SLC24A3: variants seen among roughly 807,000 people sequenced by gnomAD.
The protein encoded by SLC24A3 is sodium/potassium/calcium exchanger 3.
Under a neutral mutation model 75.8 loss-of-function variants are expected in SLC24A3, and 28 were observed. The observed-to-expected ratio is 0.37, with a 90% CI of 0.27 to 0.51. The LOEUF (loss-of-function observed/expected upper bound fraction) is 0.51, where lower values mean the gene tolerates loss of function less well. SLC24A3 is among the 20% of genes least tolerant of loss of function. The pLI is 0.94. For missense variants in SLC24A3, 663 were observed against 847.8 expected, an observed-to-expected ratio of 0.78 and a Z score of 2.71; for synonymous variants, 372 against 334.1, an observed-to-expected ratio of 1.11 and a Z score of -1.24.
rs945480328 is a variant in SLC24A3 at position 19,339,291 on chromosome 20, T to G, written c.271+58204T>G. On this transcript the variant is annotated intron_variant, in intron 2 of 16. Transcript: ENST00000328041. ...GGGCAGTTATTTTTTAGGTATCTAG[T>G]TTTTTTTTTCCCCTTGTGCAGCATC... 6.1e-4 allele frequency among the ~76,000 whole-genome samples: 91 copies of G among 149,564 alleles called. 1 individual carries two copies. Among genetic ancestry groups the G allele is most frequent in the African/African-American group, 2.0e-3 (81 of 40,628 alleles).
At chr20:19,269,014 G>C (rs1433614935) in intron 1 of SLC24A3, among the ~76,000 whole-genome samples, 1 of 152,220 alleles carries the variant, frequency 6.6e-6, no homozygotes, top group East Asian at 1.9e-4. Context: ...ACAGATTGGG[G>C]TTCTGCCTTG....
chr20:19,427,438 G>GC (rs1170040553), intron 2 of SLC24A3, among the ~76,000 whole-genome samples: 1 of 152,178 alleles, frequency 6.6e-6, no homozygotes. Context: ...AATATATTGA[G>GC]CATATTATGT....
Position 19,722,103 on chromosome 20 carries a change from GCT to G in SLC24A3, c.*966_*967del, listed in dbSNP as rs2033110455. 1 of 152,718 alleles carries G rather than the reference GCT, an allele frequency of 6.5e-6. No individual in the cohort carries two copies. Among genetic ancestry groups the G allele is most frequent in the Non-Finnish European group, 1.5e-5 (1 of 68,078 alleles). The allele number at this position is 152,718 out of a possible 1,614,324, so 9.5% of individuals were successfully genotyped here. Reference sequence around the variant, plus strand: ...CCCGACTTGTGAGTCCCTGAGATGTGCTCTTGTTGTTTGGCATTTGGGGTGAC... The same window carrying G: ...CCCGACTTGTGAGTCCCTGAGATGTGCTTGTTGTTTGGCATTTGGGGTGAC... On this transcript the variant is annotated 3_prime_UTR_variant, in exon 17 of 17. Transcript: ENST00000328041.
At chr20:19,255,612 T>A (rs896694728) in intron 1 of SLC24A3, among the ~76,000 whole-genome samples, 9 of 152,194 alleles carry the variant, frequency 5.9e-5, no homozygotes, top group African/African-American at 2.2e-4. Context: ...CAAGTCATTG[T>A]CCTTCCAATG....
chr20:19,392,225 A>C (rs1986379193), intron 2 of SLC24A3, among the ~76,000 whole-genome samples: 1 of 152,222 alleles, frequency 6.6e-6, no homozygotes, highest in Admixed American at 6.5e-5. Context: ...AACAACAGTT[A>C]CATCTGAAGG....
chr20:19,312,836 C>T (rs1353117386), intron 2 of SLC24A3, among the ~76,000 whole-genome samples: 1 of 152,058 alleles, frequency 6.6e-6, no homozygotes, highest in African/African-American at 2.4e-5. Flanking sequence ...GTTCCATTGG[C>T]CTGGTGTGTT....
intron 2 of SLC24A3, among the ~76,000 whole-genome samples, chr20:19,462,639 A>G (rs1192017175): frequency 6.6e-6 from 1 of 152,112 alleles, no homozygotes; most frequent in Non-Finnish European, 1.5e-5. Context: ...TCCTGGCTTG[A>G]TGATCATCTG....
At chr20:19,254,231 C>CGGACT (rs11474791) in intron 1 of SLC24A3, among the ~76,000 whole-genome samples, 27,377 of 152,040 alleles carry the variant, frequency 0.18, 3,971 homozygotes, top group East Asian at 0.8. Flanking sequence ...TACTCCCGAC[C>CGGACT]CCAGAGTCTG....
rs149265912 is a variant in SLC24A3, at chr20:19,367,635, G to A, written c.271+86548G>A. On this transcript the variant is annotated intron_variant, in intron 2 of 16. Transcript: ENST00000328041. ...ACTAGCTGTGGTCTCCCTGCCTTCT[G>A]TTTACCGTCTACTAAGCCACACCTT... is the stretch of plus-strand genomic sequence containing the variant. Among the ~76,000 whole-genome samples, 18 of 152,244 alleles carry A rather than the reference G, an allele frequency of 1.2e-4. No homozygotes were observed. In the East Asian group the frequency reaches 3.5e-3, roughly 29 times the overall value.
chr20:19,578,697 A>G (rs1231381963), intron 3 of SLC24A3, among the ~76,000 whole-genome samples: 5 of 152,088 alleles, frequency 3.3e-5, no homozygotes, highest in South Asian at 2.1e-4. Flanking sequence ...AATGAATGCA[A>G]TGTCACTGCT....
intron 6 of SLC24A3, among the ~76,000 whole-genome samples, chr20:19,613,942 G>A (rs1335379532): frequency 6.6e-6 from 1 of 152,158 alleles, no homozygotes; most frequent in Non-Finnish European, 1.5e-5. Flanking sequence ...CGTTCAACCC[G>A]CTTACACCAC....
chr20:19,567,090 A>G (rs556489593), intron 3 of SLC24A3, among the ~76,000 whole-genome samples: 1 of 152,356 alleles, frequency 6.6e-6, no homozygotes, highest in East Asian at 1.9e-4. Flanking sequence ...CACTGTGGAA[A>G]GCCATTTGGA....
intron 2 of SLC24A3, among the ~76,000 whole-genome samples, chr20:19,356,911 A>G (rs940134707): frequency 1.3e-5 from 2 of 152,102 alleles, no homozygotes; most frequent in Admixed American, 6.6e-5. Flanking sequence ...TGGTATTTCA[A>G]TGTGGTTTTA....
At position 19,721,018 on chromosome 20, in the gene SLC24A3, C is replaced by T; in HGVS notation, c.1813C>T (p.Gln605Ter). The change falls in exon 17 of 17, where the codon CAG (glutamine) becomes TAG (stop). Residue 605 changes from glutamine to a stop codon, truncating the protein, a stop_gained. Transcript: ENST00000328041. LOFTEE classifies it high-confidence loss of function. ...GTTCGGCGTCCACCTGAACAAGTGG[C>T]AGCTGGACAAGAAGCTGGGCTGTGG... is the stretch of plus-strand genomic sequence containing the variant. ...TVFGVHLNKW[Q>*]LDKKLGCGCL... The T allele has an allele frequency of 6.2e-7, 1 of 1,614,014 alleles. No individual in the cohort carries two copies. The highest frequency in any genetic ancestry group is 8.5e-7 in the Non-Finnish European group (1 of 1,179,988).
At chr20:19,451,289 T>A (rs1987476173) in intron 2 of SLC24A3, among the ~76,000 whole-genome samples, 1 of 152,194 alleles carries the variant, frequency 6.6e-6, no homozygotes. Context: ...CAAAGGTCCT[T>A]GGGCATTGCA....
chr20:19,541,870 A>C (rs2030504674), intron 3 of SLC24A3, among the ~76,000 whole-genome samples: 1 of 152,188 alleles, frequency 6.6e-6, no homozygotes, highest in Non-Finnish European at 1.5e-5. Flanking sequence ...CCTGTAATTA[A>C]TTAGTCAGCA....
chr20:19,321,187 C>T (rs893988114), intron 2 of SLC24A3, among the ~76,000 whole-genome samples: 1 of 152,146 alleles, frequency 6.6e-6, no homozygotes, highest in Admixed American at 6.5e-5. Flanking sequence ...GCTCTAAATA[C>T]TTCAGCCTGA....
At chr20:19,508,830 T>C (rs1272879927) in intron 2 of SLC24A3, among the ~76,000 whole-genome samples, 1 of 152,246 alleles carries the variant, frequency 6.6e-6, no homozygotes, top group Non-Finnish European at 1.5e-5. Flanking sequence ...CCTGCATAGG[T>C]AGCTGCTGTT....
Position 19,222,238 on chromosome 20 carries a change from GT to G in SLC24A3, c.142+9258del, listed in dbSNP as rs151328851. Among the ~76,000 whole-genome samples, 1,154 of 152,102 alleles carry G rather than the reference GT, an allele frequency of 7.6e-3. 7 individuals carry two copies. Among genetic ancestry groups the G allele is most frequent in the East Asian group, 0.017 (90 of 5,178 alleles). On this transcript the variant is annotated intron_variant, in intron 1 of 16. Transcript: ENST00000328041. The stretch of plus-strand genomic sequence containing the variant: ...TAAGTAGATTCGTAGTAGTATTGAG[GT>G]TTTCTTTTCCCCATATGGACTCTTT...
Sources: allele counts gnomAD v4.1 joint callset (sites outside exome capture counted in the v4.1 genomes callset), GRCh38; gene constraint gnomAD v4.1.1; transcripts MANE v1.5; gene names NCBI Gene and HGNC (gene_info 2026-07-23, HGNC 2026-07-21).